MYO1E: variants seen among roughly 807,000 people sequenced by gnomAD.
MYO1E encodes the protein unconventional myosin-Ie.
A neutral mutation model predicts 151.1 loss-of-function variants in MYO1E; 68 were observed. That is an observed-to-expected ratio of 0.45 (90% CI 0.37 to 0.55). The LOEUF is 0.55. MYO1E is among the 20% of genes least tolerant of loss of function. The pLI is 0.00. For missense variants in MYO1E, 1,363 were observed against 1,389.3 expected (o/e 0.98, Z 0.30); for synonymous variants, 601 against 501.7 (o/e 1.20, Z -2.64).
chr15:59,235,011 AG>A (rs1432591781), intron 5 of MYO1E, among the ~76,000 whole-genome samples: 1 of 152,102 alleles, frequency 6.6e-6, no homozygotes, highest in Non-Finnish European at 1.5e-5. Flanking sequence ...TATGGACCTT[AG>A]CTCGCCATCA....
At chr15:59,364,887 C>T (rs1384798464) in intron 1 of MYO1E, among the ~76,000 whole-genome samples, 4 of 151,868 alleles carry the variant, frequency 2.6e-5, no homozygotes, top group African/African-American at 7.3e-5. Flanking sequence ...CCAGCCTGGG[C>T]GACAGAGTGA....
chr15:59,142,778 T>A (rs2079418128), intron 26 of MYO1E, among the ~76,000 whole-genome samples: 1 of 152,076 alleles, frequency 6.6e-6, no homozygotes, highest in South Asian at 2.1e-4. Flanking sequence ...AGGACCCTTG[T>A]CCACATACTT....
At chr15:59,321,452 T>C (rs961655930) in intron 1 of MYO1E, among the ~76,000 whole-genome samples, 4 of 152,188 alleles carry the variant, frequency 2.6e-5, no homozygotes, top group African/African-American at 7.2e-5. Context: ...CAACAGTGAA[T>C]TGGATAAAGG....
intron 1 of MYO1E, 101 bp downstream of exon 1, chr15:59,372,397 A>G: frequency 7.0e-7 from 1 of 1,425,370 alleles, no homozygotes; most frequent in Non-Finnish European, 9.5e-7. Context: ...CACCTTCTCC[A>G]CCCCTGGCCC....
chr15:59,287,432 C>T (rs1025539564), intron 1 of MYO1E, among the ~76,000 whole-genome samples: 5 of 152,294 alleles, frequency 3.3e-5, no homozygotes, highest in African/African-American at 1.2e-4. Context: ...AATGAATTTG[C>T]AATAAAAACC....
chr15:59,144,401 A>T (rs1201767442), intron 26 of MYO1E, among the ~76,000 whole-genome samples: 2 of 152,038 alleles, frequency 1.3e-5, no homozygotes, highest in African/African-American at 4.8e-5. Context: ...TCCTGACCTC[A>T]AGTGATCCGC....
chr15:59,340,057 T>C (rs1596429400), intron 1 of MYO1E, among the ~76,000 whole-genome samples: 1 of 152,264 alleles, frequency 6.6e-6, no homozygotes, highest in East Asian at 1.9e-4. Flanking sequence ...AATTTTGCCA[T>C]GTTGGCCAGG....
At chr15:59,212,711 T>C (rs1190558714) in intron 12 of MYO1E, 3 of 152,320 alleles carry the variant, frequency 2.0e-5, no homozygotes, top group African/African-American at 7.2e-5. Flanking sequence ...TGGCAGGGTA[T>C]TGTGAAAAGT....
intron 1 of MYO1E, among the ~76,000 whole-genome samples, chr15:59,283,586 T>C (rs924327908): frequency 4.6e-5 from 7 of 152,338 alleles, no homozygotes; most frequent in African/African-American, 1.2e-4. Context: ...ATTTGTTGAA[T>C]GAATGAAATA....
intron 10 of MYO1E, among the ~76,000 whole-genome samples, chr15:59,215,187 G>A (rs543861833): frequency 3.3e-5 from 5 of 152,226 alleles, no homozygotes; most frequent in East Asian, 1.9e-4. Flanking sequence ...GTTCCTAGGC[G>A]CTTATAGAGA....
chr15:59,194,697 T>C (rs2079755248), intron 17 of MYO1E, among the ~76,000 whole-genome samples: 1 of 152,190 alleles, frequency 6.6e-6, no homozygotes, highest in Non-Finnish European at 1.5e-5. Context: ...CATGCTTCTA[T>C]GGACAGTGGG....
chr15:59,178,627 A>C, intron 18 of MYO1E, 90 bp from the exon 19 acceptor site: 1 of 1,512,858 alleles, frequency 6.6e-7, no homozygotes, highest in African/African-American at 1.4e-5. Context: ...TCTGCTCTGA[A>C]GGTGCCCAGT....
intron 1 of MYO1E, among the ~76,000 whole-genome samples, chr15:59,303,183 T>G (rs943322331): frequency 1.3e-5 from 2 of 152,244 alleles, no homozygotes; most frequent in Non-Finnish European, 2.9e-5. Context: ...AGATGTCAGC[T>G]TGATAAAATC....
intron 4 of MYO1E, among the ~76,000 whole-genome samples, chr15:59,253,432 A>C (rs1282048703): frequency 6.6e-6 from 1 of 151,824 alleles, no homozygotes; most frequent in Non-Finnish European, 1.5e-5. Flanking sequence ...AGTGCACAGC[A>C]TCACTGATGA....
At chr15:59,221,123 T>C (rs1312860723) in intron 9 of MYO1E, among the ~76,000 whole-genome samples, 1 of 150,832 alleles carries the variant, frequency 6.6e-6, no homozygotes, top group Non-Finnish European at 1.5e-5. Context: ...TTCTCCTGCC[T>C]CAGCCTCCAG....
chr15:59,234,337 A>G (rs1596378037), intron 5 of MYO1E, among the ~76,000 whole-genome samples: 1 of 152,188 alleles, frequency 6.6e-6, no homozygotes, highest in East Asian at 1.9e-4. Flanking sequence ...GTCTGTAATT[A>G]AAGAAGGGAA....
chr15:59,283,325 C>T (rs549747067), intron 1 of MYO1E, among the ~76,000 whole-genome samples: 1 of 152,140 alleles, frequency 6.6e-6, no homozygotes, highest in South Asian at 2.1e-4. Flanking sequence ...ATCTTCAGTA[C>T]CTACATTCCC....
intron 2 of MYO1E, among the ~76,000 whole-genome samples, chr15:59,269,871 C>A (rs934967004): frequency 2.6e-5 from 4 of 152,052 alleles, no homozygotes; most frequent in Non-Finnish European, 5.9e-5. Context: ...AAAAGGAAGC[C>A]CTGCACAGGT....
At position 59,222,818 on chromosome 15, in the gene MYO1E, G is replaced by A. The variant is rs567549799; in HGVS notation, c.910+241C>T. ...GCTTTCCCCAGGTTAATGATAAATTGAAACGATTCCATTAATAATCGATGG... is the reference window on the plus strand; with the variant it reads ...GCTTTCCCCAGGTTAATGATAAATTAAAACGATTCCATTAATAATCGATGG... On this transcript the variant is annotated intron_variant, in intron 9 of 27. Coordinates refer to ENST00000288235, the MANE Select transcript of MYO1E (RefSeq NM_004998.4). Among the ~76,000 whole-genome samples the A allele has an allele frequency of 8.5e-5, 13 of 152,294 alleles. No individual in the cohort carries two copies. The South Asian group carries it at 2.1e-3, about 24-fold the overall frequency.
Sources: gnomAD v4.1 joint callset for allele counts (sites outside exome capture counted in the v4.1 genomes callset) on GRCh38, gnomAD v4.1.1 for gene constraint, MANE v1.5 for transcripts, NCBI Gene and HGNC (gene_info 2026-07-23, HGNC 2026-07-21) for gene names.